Variants in SPATA6 observed in about 807,000 individuals in gnomAD.
SPATA6 encodes spermatogenesis associated 6.
In SPATA6, 56 loss-of-function variants were observed where a neutral mutation model predicts 65.3. The observed-to-expected ratio is 0.86, with a 90% CI of 0.69 to 1.07. The LOEUF (loss-of-function observed/expected upper bound fraction) is 1.07, where lower values mean the gene tolerates loss of function less well. SPATA6 is among the 50% of genes least tolerant of loss of function. The pLI is 0.00. For synonymous variants in SPATA6, 199 were observed against 213.2 expected, an observed-to-expected ratio of 0.93 and a Z score of 0.58; for missense variants, 590 against 594.8, an observed-to-expected ratio of 0.99 and a Z score of 0.08.
intron 10 of SPATA6, among the ~76,000 whole-genome samples, chr1:48,358,396 A>C (rs1646715641): frequency 6.6e-6 from 1 of 151,496 alleles, no homozygotes; most frequent in Admixed American, 6.6e-5. Flanking sequence ...TATTTATAAA[A>C]GTATTTATAA....
chr1:48,434,536 T>C (rs59844360), intron 3 of SPATA6, among the ~76,000 whole-genome samples: 2,201 of 152,214 alleles, frequency 0.014, 53 homozygotes, highest in African/African-American at 0.05. Flanking sequence ...GGGTGCTGTT[T>C]TATATATGTT....
chr1:48,426,753 CAAT>C (rs1328885780), intron 3 of SPATA6, among the ~76,000 whole-genome samples: 2 of 151,904 alleles, frequency 1.3e-5, no homozygotes, highest in African/African-American at 4.8e-5. Flanking sequence ...AAAATTCCTA[CAAT>C]GACAGCAGCC....
At chr1:48,392,699 T>C (rs948596967) in intron 8 of SPATA6, among the ~76,000 whole-genome samples, 10 of 152,028 alleles carry the variant, frequency 6.6e-5, no homozygotes, top group African/African-American at 2.4e-4. Flanking sequence ...AAGCAGTAAA[T>C]GTTGGTGAAA....
intron 11 of SPATA6, among the ~76,000 whole-genome samples, chr1:48,315,450 T>C (rs1281515442): frequency 6.6e-6 from 1 of 152,210 alleles, no homozygotes; most frequent in Non-Finnish European, 1.5e-5. Context: ...GACATGATTA[T>C]CTCAATAGAT....
At chr1:48,395,513 A>G (rs1194768198) in intron 7 of SPATA6, among the ~76,000 whole-genome samples, 159 bp from the exon 8 acceptor site, 1 of 151,968 alleles carries the variant, frequency 6.6e-6, no homozygotes, top group Non-Finnish European at 1.5e-5. Flanking sequence ...AGTTTATTCA[A>G]GTATTTTGTT....
At chr1:48,413,076 CTTATA>C (rs1652413113) in intron 4 of SPATA6, 29 bp downstream of exon 4, 1 of 726,856 alleles carries the variant, frequency 1.4e-6, no homozygotes, top group Non-Finnish European at 1.9e-6. Flanking sequence ...TTTATGATAT[CTTATA>C]TTGTATATAT....
At position 48,450,136 on chromosome 1, in the gene SPATA6, T is replaced by TAACA. The variant is rs530231224; in HGVS notation, c.238+1412_238+1415dup. On this transcript the variant is annotated intron_variant, in intron 3 of 12. Coordinates refer to ENST00000371847, the MANE Select transcript of SPATA6 (RefSeq NM_019073.4). Reference sequence around the variant, plus strand: ...CATTAGAGAGGTCAGGGATAAAGACTAACATGGAAGTAATTGGAGGATAGG... The same window carrying TAACA: ...CATTAGAGAGGTCAGGGATAAAGACTAACAAACATGGAAGTAATTGGAGGATAGG... 1.5e-3 allele frequency among the ~76,000 whole-genome samples: 227 copies of TAACA among 152,072 alleles called. 2 individuals carry two copies. The highest frequency in any genetic ancestry group is 5.3e-3 in the African/African-American group (220 of 41,492).
intron 3 of SPATA6, among the ~76,000 whole-genome samples, chr1:48,434,259 G>GAAAAAAAAAAAAAAA (rs530291772): frequency 1.8e-5 from 2 of 109,890 alleles, no homozygotes; most frequent in African/African-American, 3.8e-5. Flanking sequence ...AGCAGTGAAA[G>GAAAAAAAAAAAAAAA]AAAAAAAAAA....
At chr1:48,403,647 A>T (rs1651398125) in intron 6 of SPATA6, among the ~76,000 whole-genome samples, 155 bp downstream of exon 6, 1 of 152,204 alleles carries the variant, frequency 6.6e-6, no homozygotes. Context: ...ACATGTAACC[A>T]AACTGCTAAA....
chr1:48,359,511 T>G lies in SPATA6; in HGVS notation c.1094+75A>C, dbSNP rs148543444. ...CACTTTTATAAACATTCATTTCACA[T>G]GCATAATTGCTGCTTCCCCTTCTAA... On this transcript the variant is annotated intron_variant, in intron 10 of 12. Coordinates refer to ENST00000371847, the MANE Select transcript of SPATA6 (RefSeq NM_019073.4). The G allele has an allele frequency of 7.4e-4, 1,076 of 1,462,934 alleles. 10 individuals carry two copies. In the African/African-American group the frequency reaches 0.014, roughly 19 times the overall value. 90.6% of individuals were successfully genotyped at this position (1,462,934 alleles called of 1,614,324 possible).
the SPATA6 span, among the ~76,000 whole-genome samples, chr1:48,287,551 C>G: frequency 2.6e-5 from 4 of 152,306 alleles, no homozygotes; most frequent in East Asian, 7.7e-4. Context: ...TAAGTGAGTT[C>G]TTTCTCAAGT....
intron 5 of SPATA6, among the ~76,000 whole-genome samples, chr1:48,407,403 G>T (rs1651806123): frequency 6.6e-6 from 1 of 152,260 alleles, no homozygotes; most frequent in East Asian, 1.9e-4. Context: ...CCTTGCCCCA[G>T]TTAGAGCTCT....
intron 7 of SPATA6, 93 bp downstream of exon 7, chr1:48,399,258 A>C: frequency 5.9e-6 from 8 of 1,361,636 alleles, no homozygotes; most frequent in Non-Finnish European, 8.0e-6. Flanking sequence ...TATTATTAAT[A>C]TAAGCTAGAA....
chr1:48,355,791 T>C (rs934291142), intron 10 of SPATA6, 22 bp from the exon 11 acceptor site: 5 of 1,578,018 alleles, frequency 3.2e-6, no homozygotes, highest in Middle Eastern at 3.4e-4. Flanking sequence ...AAATAAGTTT[T>C]ATTTTTGTTA....
the SPATA6 span, among the ~76,000 whole-genome samples, chr1:48,282,717 A>G: frequency 3.9e-5 from 6 of 152,128 alleles, no homozygotes; most frequent in Admixed American, 3.9e-4. Flanking sequence ...AAATAGGAAC[A>G]CTTTTACACT....
chr1:48,374,245 C>T (rs867656508), intron 9 of SPATA6, among the ~76,000 whole-genome samples: 1 of 151,230 alleles, frequency 6.6e-6, no homozygotes, highest in Non-Finnish European at 1.5e-5. Flanking sequence ...ACATCTATTA[C>T]AAGATTATCA....
intron 9 of SPATA6, among the ~76,000 whole-genome samples, chr1:48,372,067 G>A (rs1647340647): frequency 6.6e-6 from 1 of 151,922 alleles, no homozygotes; most frequent in Admixed American, 6.6e-5. Context: ...TCCACCCCTG[G>A]CACCTCCAAA....
chr1:48,367,451 C>A (rs1020976183), intron 9 of SPATA6, among the ~76,000 whole-genome samples: 2 of 152,110 alleles, frequency 1.3e-5, no homozygotes, highest in African/African-American at 4.8e-5. Flanking sequence ...GTAGGTCACT[C>A]AGGACTTGCT....
intron 11 of SPATA6, 146 bp downstream of exon 11, chr1:48,355,524 G>A (rs932393445): frequency 9.8e-5 from 56 of 573,146 alleles, no homozygotes; most frequent in South Asian, 5.3e-5. Flanking sequence ...ATGTTGCCTT[G>A]GGCAAAACCA....
Sources: allele counts gnomAD v4.1 joint callset (sites outside exome capture counted in the v4.1 genomes callset), GRCh38; gene constraint gnomAD v4.1.1; transcripts MANE v1.5; gene names NCBI Gene and HGNC (gene_info 2026-07-23, HGNC 2026-07-21).